RIPOR2: variants seen among roughly 807,000 people sequenced by gnomAD.
RIPOR2 encodes the protein rho family-interacting cell polarization regulator 2.
Under a neutral mutation model 114.5 loss-of-function variants are expected in RIPOR2, and 39 were observed. That is an observed-to-expected ratio of 0.34 (90% CI 0.26 to 0.44). The LOEUF (loss-of-function observed/expected upper bound fraction) is 0.44. RIPOR2 is among the 20% of genes least tolerant of loss of function. RIPOR2 has a pLI of 1.00. For missense variants in RIPOR2, 1,007 were observed against 1,255.1 expected (o/e 0.80, Z 2.99); for synonymous variants, 445 against 484.4 (o/e 0.92, Z 1.07).
chr6:24,938,847 GAT>G (rs1293973157), upstream of RIPOR2, among the ~76,000 whole-genome samples: 1 of 152,172 alleles, frequency 6.6e-6, no homozygotes, highest in Non-Finnish European at 1.5e-5. Context: ...ACCTTAGAGA[GAT>G]ATGACATACA....
intron 1 of RIPOR2, among the ~76,000 whole-genome samples, chr6:24,933,087 G>T (rs995688228): frequency 5.9e-5 from 9 of 152,146 alleles, no homozygotes; most frequent in African/African-American, 1.9e-4. Context: ...CTAACAACTT[G>T]TTCAGTGCTA....
At chr6:25,002,205 A>G (rs7753740) in intron 1 of RIPOR2, among the ~76,000 whole-genome samples, 41,274 of 152,208 alleles carry the variant, frequency 0.27, 7,026 homozygotes, top group Non-Finnish European at 0.38. Context: ...TAGAGCATTC[A>G]GTAAATGGCA....
At chr6:24,953,274 G>A (rs536524501) in intron 1 of RIPOR2, among the ~76,000 whole-genome samples, 10 of 152,218 alleles carry the variant, frequency 6.6e-5, no homozygotes, top group Admixed American at 2.0e-4. Flanking sequence ...CAGAGGTTGC[G>A]GTGAGCCGAT....
intron 1 of RIPOR2, 75 bp from the exon 2 acceptor site, chr6:24,875,892 G>T: frequency 7.3e-7 from 1 of 1,369,056 alleles, no homozygotes; most frequent in South Asian, 1.3e-5. Flanking sequence ...TGTCAACAAT[G>T]ATAAAGGATG....
chr6:24,836,055 G>C, intron 14 of RIPOR2, 184 bp from the exon 15 acceptor site: 1 of 597,032 alleles, frequency 1.7e-6, no homozygotes, highest in Middle Eastern at 4.6e-4. Flanking sequence ...ATTGCCTAGT[G>C]TTAAAAGGAC....
chr6:24,865,612 C>G (rs1764528900), intron 6 of RIPOR2, among the ~76,000 whole-genome samples, 162 bp from the exon 7 acceptor site: 1 of 152,148 alleles, frequency 6.6e-6, no homozygotes, highest in South Asian at 2.1e-4. Context: ...TTTATTGTAG[C>G]CACTGTGATA....
intron 1 of RIPOR2, among the ~76,000 whole-genome samples, chr6:24,904,928 CCGTGCCCAGCTAATTTTT>C (rs1193821437): frequency 6.6e-6 from 1 of 152,178 alleles, no homozygotes; most frequent in African/African-American, 2.4e-5. Context: ...GCGTATACCA[CCGTGCCCAGCTAATTTTT>C]GTATTTTTAG....
intron 1 of RIPOR2, among the ~76,000 whole-genome samples, chr6:24,881,070 G>C (rs754269487): frequency 1.3e-5 from 2 of 152,098 alleles, no homozygotes; most frequent in African/African-American, 2.4e-5. Context: ...GTGAAACCCT[G>C]TCTCTACTAA....
intron 1 of RIPOR2, among the ~76,000 whole-genome samples, chr6:24,913,079 C>T (rs1356285260): frequency 6.6e-6 from 1 of 152,178 alleles, no homozygotes; most frequent in Non-Finnish European, 1.5e-5. Flanking sequence ...ATTCCACTCC[C>T]ACCCCCAACT....
chr6:24,847,642 C>T (rs1299332839), intron 12 of RIPOR2: 1 of 1,551,698 alleles, frequency 6.4e-7, no homozygotes, highest in East Asian at 2.4e-5. Flanking sequence ...TTGCAAGGCA[C>T]TCAAGACAGA....
chr6:25,022,689 G>C (rs1200904368), intron 1 of RIPOR2, among the ~76,000 whole-genome samples: 1 of 151,336 alleles, frequency 6.6e-6, no homozygotes, highest in Non-Finnish European at 1.5e-5. Flanking sequence ...TAGACTACAG[G>C]TGTGTGCCAC....
intron 16 of RIPOR2, 53 bp downstream of exon 16, chr6:24,832,203 G>A: frequency 2.0e-6 from 3 of 1,518,142 alleles, no homozygotes; most frequent in Non-Finnish European, 2.7e-6. Context: ...GAGTGGACTG[G>A]GCTAGTGGTG....
chr6:24,805,062 G>A lies in RIPOR2; in HGVS notation c.*1311C>T, dbSNP rs531290512. The A allele has an allele frequency of 2.6e-5, 4 of 152,122 alleles. No individual in the cohort carries two copies. The highest frequency in any genetic ancestry group is 9.6e-5 in the African/African-American group (4 of 41,520). 9.4% of individuals were successfully genotyped at this position (152,122 alleles called of 1,614,324 possible). On this transcript the variant is annotated 3_prime_UTR_variant, in exon 22 of 22. Transcript: ENST00000643898. ...TCCCACGGTCATTTTTACAGAAGGA[G>A]GGACCACTTTAAATGTTCCTCCACT...
chr6:25,012,400 T>C (rs1775810268), intron 1 of RIPOR2, among the ~76,000 whole-genome samples: 1 of 152,162 alleles, frequency 6.6e-6, no homozygotes, highest in South Asian at 2.1e-4. Context: ...AATGAAAACA[T>C]ATATACACAT....
intron 1 of RIPOR2, among the ~76,000 whole-genome samples, chr6:24,996,136 C>T (rs867545934): frequency 3.3e-5 from 5 of 152,184 alleles, no homozygotes; most frequent in South Asian, 2.1e-4. Context: ...AATAAAATTC[C>T]TTTATTTCCA....
At chr6:24,948,671 A>G (rs1173570340) in intron 1 of RIPOR2, among the ~76,000 whole-genome samples, 1 of 152,024 alleles carries the variant, frequency 6.6e-6, no homozygotes, top group Non-Finnish European at 1.5e-5. Context: ...AGCTGGGATT[A>G]CAGGCATGAG....
At chr6:24,977,759 T>C (rs970805266) in intron 1 of RIPOR2, among the ~76,000 whole-genome samples, 1 of 152,178 alleles carries the variant, frequency 6.6e-6, no homozygotes, top group African/African-American at 2.4e-5. Flanking sequence ...ATCCTAATTA[T>C]TCAGGATGTA....
chr6:24,932,113 T>G (rs983329460), intron 1 of RIPOR2: 67 of 152,332 alleles, frequency 4.4e-4, no homozygotes, highest in African/African-American at 1.6e-3. Flanking sequence ...GCTGTCAAGA[T>G]CACACAGTGA....
chr6:24,866,912 T>G (rs1764660857), intron 6 of RIPOR2, among the ~76,000 whole-genome samples: 1 of 152,162 alleles, frequency 6.6e-6, no homozygotes, highest in African/African-American at 2.4e-5. Context: ...TGGAGATGCA[T>G]ATACTAGATT....
Sources: allele counts gnomAD v4.1 joint callset (sites outside exome capture counted in the v4.1 genomes callset), GRCh38; gene constraint gnomAD v4.1.1; transcripts MANE v1.5; gene names NCBI Gene and HGNC (gene_info 2026-07-23, HGNC 2026-07-21).